Variants in BUB1 observed in about 807,000 individuals in gnomAD.
BUB1 encodes the protein mitotic checkpoint serine/threonine-protein kinase BUB1.
In BUB1, 84 loss-of-function variants were observed where a neutral mutation model predicts 135.2. The observed-to-expected ratio is 0.62, with a 90% CI of 0.52 to 0.74. BUB1 has a LOEUF of 0.74. Among genes scored for constraint, BUB1 ranks in the 30% least tolerant of loss-of-function variants. The pLI, the probability that BUB1 is intolerant of heterozygous loss-of-function variation, is 0.00. For synonymous variants in BUB1, 403 were observed against 434.4 expected (o/e 0.93, Z 0.90); for missense variants, 1,162 against 1,288.3 (o/e 0.90, Z 1.50).
intron 14 of BUB1, 93 bp downstream of exon 14, chr2:110,657,453 A>T (rs1689962975): frequency 2.3e-6 from 2 of 881,742 alleles, no homozygotes; most frequent in African/African-American, 1.7e-5. Flanking sequence ...TGACCATGTG[A>T]TTGGCAGTTC....
intron 10 of BUB1, 89 bp downstream of exon 10, chr2:110,661,493 A>T: frequency 1.4e-6 from 2 of 1,451,540 alleles, no homozygotes; most frequent in East Asian, 2.3e-5. Flanking sequence ...TTCATCTTTT[A>T]CATACTGTTC....
At chr2:110,642,327 T>A in intron 19 of BUB1, 93 bp from the exon 20 acceptor site, 1 of 776,238 alleles carries the variant, frequency 1.3e-6, no homozygotes, top group Non-Finnish European at 2.0e-6. Flanking sequence ...TAGAGTTTTC[T>A]GTATACTTCG....
chr2:110,668,373 G>A (rs1690323382), intron 6 of BUB1, among the ~76,000 whole-genome samples: 1 of 152,202 alleles, frequency 6.6e-6, no homozygotes, highest in Non-Finnish European at 1.5e-5. Context: ...AGCTTAGACA[G>A]GACAATAGGT....
intron 8 of BUB1, among the ~76,000 whole-genome samples, chr2:110,666,885 A>G (rs886957301): frequency 1.3e-5 from 2 of 152,248 alleles, no homozygotes; most frequent in East Asian, 3.8e-4. Context: ...TAACAGAGTC[A>G]TGCCACAGGC....
intron 3 of BUB1, among the ~76,000 whole-genome samples, chr2:110,673,131 T>C (rs985370682): frequency 1.3e-5 from 2 of 152,190 alleles, no homozygotes; most frequent in Non-Finnish European, 2.9e-5. Context: ...CCCAAAACGA[T>C]AGAGCTTAGA....
intron 19 of BUB1, among the ~76,000 whole-genome samples, chr2:110,646,341 A>G (rs543948073): frequency 2.8e-5 from 4 of 144,006 alleles, no homozygotes; most frequent in Non-Finnish European, 6.1e-5. Context: ...GTTTCAACAC[A>G]GAAAGAAAAG....
At chr2:110,664,353 C>T (rs1240810328) in intron 9 of BUB1, among the ~76,000 whole-genome samples, 3 of 152,122 alleles carry the variant, frequency 2.0e-5, no homozygotes, top group African/African-American at 4.8e-5. Flanking sequence ...ACAAACATCA[C>T]ATCAAAGAAC....
Position 110,659,970 on chromosome 2 carries a change from AACATT to A in BUB1, c.1276+3_1276+7del. On this transcript the variant is annotated splice_donor_5th_base_variant and intron_variant, in intron 11 of 24. Transcript: ENST00000302759. ...GACAGAAACACATTTATTATAATTAAACATTACCTTCTTTGATCTCTGCTCCACTC... is the reference window on the plus strand; with the variant it reads ...GACAGAAACACATTTATTATAATTAAACCTTCTTTGATCTCTGCTCCACTC... 1 of 1,603,024 alleles carries A rather than the reference AACATT, an allele frequency of 6.2e-7. No homozygotes were observed. Among genetic ancestry groups the A allele is most frequent in the Non-Finnish European group, 8.5e-7 (1 of 1,170,208 alleles).
At chr2:110,677,143 T>C (rs979094807) in intron 1 of BUB1, among the ~76,000 whole-genome samples, 6 of 152,170 alleles carry the variant, frequency 3.9e-5, no homozygotes, top group Admixed American at 1.3e-4. Context: ...CTTTAGTAAG[T>C]CAAAACAGGA....
chr2:110,661,279 A>G, intron 10 of BUB1: 1 of 322,488 alleles, frequency 3.1e-6, no homozygotes. Context: ...CAGTGAGCAA[A>G]GGGAATTTTA....
Position 110,667,806 on chromosome 2 carries a change from T to C in BUB1, c.611A>G (p.Glu204Gly). The C allele has an allele frequency of 6.2e-7, 1 of 1,613,406 alleles. No homozygotes were observed. The highest frequency in any genetic ancestry group is 8.5e-7 in the Non-Finnish European group (1 of 1,179,846). ...SGVISSACDK[E>G]SNMERRVITI... ...CACTGATTATACTTGCATATTTGACTCTTTATCACAAGCTGAAGATATCAC... is the reference window on the plus strand; with the variant it reads ...CACTGATTATACTTGCATATTTGACCCTTTATCACAAGCTGAAGATATCAC... Residue 204 changes from glutamate to glycine, a missense_variant, in exon 7 of 25, where the codon GAG (glutamate) becomes GGG (glycine). Physicochemically the swap from Glu to Gly is moderately conservative, Grantham distance 98. Transcript: ENST00000302759.
chr2:110,674,740 G>C (rs1345584729), intron 1 of BUB1, among the ~76,000 whole-genome samples: 1 of 152,188 alleles, frequency 6.6e-6, no homozygotes, highest in East Asian at 1.9e-4. Flanking sequence ...GCATGGCACT[G>C]ACTCAGACTC....
At position 110,642,474 on chromosome 2, in the gene BUB1, AG is replaced by A. The variant is rs796134505; in HGVS notation, c.2348-241del. On this transcript the variant is annotated intron_variant, in intron 19 of 24. Transcript: ENST00000302759. ...TTTCACTAGTTTTTGCCTGTGTTCT[AG>A]GATACTTTATGTTTAGTCATCATGT... 6.9e-4 allele frequency: 185 copies of A among 269,490 alleles called. 1 individual carries two copies. Among genetic ancestry groups the A allele is most frequent in the African/African-American group, 3.7e-3 (167 of 45,042 alleles). The allele number at this position is 269,490 out of a possible 1,614,324, so 16.7% of individuals were successfully genotyped here.
chr2:110,653,328 A>G, intron 17 of BUB1, 108 bp downstream of exon 17: 1 of 1,125,004 alleles, frequency 8.9e-7, no homozygotes, highest in Non-Finnish European at 1.3e-6. Context: ...TTAAGGCTAA[A>G]ATTAGGTATT....
chr2:110,667,856 A>G lies in BUB1; in HGVS notation c.568-7T>C. 1.2e-6 allele frequency: 2 copies of G among 1,610,946 alleles called. No homozygotes were observed. Among genetic ancestry groups the G allele is most frequent in the Non-Finnish European group, 1.7e-6 (2 of 1,179,282 alleles). ...CTCCAGAAAGCTCTGAACCCTAAAA[A>G]ACAGAAAACAAACATGAGCATTCAC... On this transcript the variant is annotated splice_polypyrimidine_tract_variant and splice_region_variant and intron_variant, in intron 6 of 24. Transcript: ENST00000302759.
chr2:110,651,587 A>G (rs1689788194), intron 17 of BUB1, among the ~76,000 whole-genome samples: 1 of 152,180 alleles, frequency 6.6e-6, no homozygotes, highest in Non-Finnish European at 1.5e-5. Flanking sequence ...TTATAAGTTT[A>G]GTGTAACCTA....
At chr2:110,656,499 G>C (rs952574990) in intron 15 of BUB1, among the ~76,000 whole-genome samples, 1 of 152,098 alleles carries the variant, frequency 6.6e-6, no homozygotes, top group African/African-American at 2.4e-5. Context: ...ACACAGTTTG[G>C]GCTTATTTGA....
chr2:110,638,748 T>G (rs187565943), intron 24 of BUB1, among the ~76,000 whole-genome samples: 1 of 152,338 alleles, frequency 6.6e-6, no homozygotes, highest in Admixed American at 6.5e-5. Context: ...ACACTGGTGG[T>G]CAGAGATGAA....
At position 110,648,451 on chromosome 2, in the gene BUB1, G is replaced by C. The variant is rs1689700212; in HGVS notation, c.2347+783C>G. On this transcript the variant is annotated intron_variant, in intron 19 of 24. Transcript: ENST00000302759. The surrounding 1 kb of genome is among the most constrained non-coding windows in gnomAD (Gnocchi z 4.2). ...ATTTTTAGGGTGAGGAAATGATTCT[G>C]TATGATACTGTAATGATGGATACAT... Among the ~76,000 whole-genome samples, 1 of 152,106 alleles carries C rather than the reference G, an allele frequency of 6.6e-6. No homozygotes were observed. The highest frequency in any genetic ancestry group is 2.4e-5 in the African/African-American group (1 of 41,410).
Sources: gnomAD v4.1 joint callset for allele counts (sites outside exome capture counted in the v4.1 genomes callset) on GRCh38, gnomAD v4.1.1 for gene constraint, Gnocchi (gnomAD v3.1) non-coding constraint, MANE v1.5 for transcripts, NCBI Gene and HGNC (gene_info 2026-07-23, HGNC 2026-07-21) for gene names.